The following SFI1 variants were observed in gnomAD, a reference collection of about 807,000 sequenced individuals.
The protein encoded by SFI1 is SFI1 centrin binding protein, also known as protein SFI1 homolog.
In SFI1, 195 loss-of-function variants were observed where a neutral mutation model predicts 207.5. That is an observed-to-expected ratio of 0.94 (90% CI 0.84 to 1.06). The LOEUF (loss-of-function observed/expected upper bound fraction) is 1.06. Among genes scored for constraint, SFI1 ranks in the 50% least tolerant of loss-of-function variants. The pLI is 0.00. For synonymous variants in SFI1, 630 were observed against 598.9 expected, an observed-to-expected ratio of 1.05 and a Z score of -0.76; for missense variants, 1,634 against 1,588.0, an observed-to-expected ratio of 1.03 and a Z score of -0.49.
intron 8 of SFI1, among the ~76,000 whole-genome samples, chr22:31,563,753 T>G (rs2061971919): frequency 1.3e-5 from 2 of 151,360 alleles, no homozygotes; most frequent in African/African-American, 4.9e-5. Context: ...GCCTGTCTAA[T>G]TTTGTATTTT....
At chr22:31,591,083 T>C (rs970680609) in intron 15 of SFI1, among the ~76,000 whole-genome samples, 40 of 151,560 alleles carry the variant, frequency 2.6e-4, no homozygotes, top group Non-Finnish European at 5.3e-4. Flanking sequence ...TGAACAAAGG[T>C]CTCTGGTTTT....
At chr22:31,569,035 C>G (rs896618017) in intron 8 of SFI1, among the ~76,000 whole-genome samples, 1 of 152,030 alleles carries the variant, frequency 6.6e-6, no homozygotes. Context: ...AAATTAAAGG[C>G]AAAAAATTAA....
intron 2 of SFI1, among the ~76,000 whole-genome samples, chr22:31,522,419 A>G (rs2057387842): frequency 6.6e-6 from 1 of 152,178 alleles, no homozygotes; most frequent in South Asian, 2.1e-4. Context: ...ATGTGTAACC[A>G]TCACCACTAT....
intron 5 of SFI1, among the ~76,000 whole-genome samples, chr22:31,549,554 G>A (rs1160601394): frequency 2.6e-5 from 4 of 151,558 alleles, no homozygotes; most frequent in Admixed American, 1.3e-4. Context: ...TAGTAAAGAC[G>A]GGGTTTCACC....
chr22:31,605,487 C>T (rs2068814346), intron 20 of SFI1: 1 of 152,920 alleles, frequency 6.5e-6, no homozygotes, highest in Non-Finnish European at 1.5e-5. Flanking sequence ...CACATGCCCC[C>T]TTTCATTTCC....
intron 5 of SFI1, among the ~76,000 whole-genome samples, chr22:31,549,281 C>A (rs548093240): frequency 9.2e-6 from 1 of 108,134 alleles, no homozygotes; most frequent in Non-Finnish European, 1.7e-5. Context: ...CAGAGTGAGA[C>A]CCTGTGTAAA....
At chr22:31,587,229 T>C (rs1209611831) in intron 14 of SFI1, 1 of 212,528 alleles carries the variant, frequency 4.7e-6, no homozygotes, top group Non-Finnish European at 1.1e-5. Context: ...GCATTGACAT[T>C]GTATTGGGTA....
chr22:31,617,023 C>A lies in SFI1; in HGVS notation c.3457C>A (p.Leu1153Ile). ...TAGSLDLEAELEEIQQQLLHY... is the reference protein window; with the variant it reads ...TAGSLDLEAEIEEIQQQLLHY... ...AGGCAGCCTGGACCTTGAGGCTGAA[C>A]TTGAGGAGATCCAGCAGCAACTACT... is the stretch of plus-strand genomic sequence containing the variant. The change falls in exon 31 of 33, where the codon CTT becomes ATT. Residue 1153 changes from leucine (L) to isoleucine (I), a missense_variant. Coordinates refer to ENST00000400288, the MANE Select transcript of SFI1 (RefSeq NM_001007467.3). 6.2e-7 allele frequency: 1 copy of A among 1,614,074 alleles called. No individual in the cohort carries two copies. The highest frequency in any genetic ancestry group is 8.5e-7 in the Non-Finnish European group (1 of 1,180,016).
chr22:31,507,112 G>A (rs530569837), intron 1 of SFI1, among the ~76,000 whole-genome samples: 31 of 152,168 alleles, frequency 2.0e-4, no homozygotes, highest in East Asian at 1.2e-3. Context: ...ACTATACTGC[G>A]AGGTTACAGT....
intron 2 of SFI1, among the ~76,000 whole-genome samples, chr22:31,509,163 A>G (rs1320478251): frequency 6.6e-6 from 1 of 152,170 alleles, no homozygotes; most frequent in Non-Finnish European, 1.5e-5. Flanking sequence ...TATGGCATAT[A>G]GTTGTGTTAG....
At chr22:31,616,951 G>GT in intron 30 of SFI1, 49 bp from the exon 31 acceptor site, 2 of 1,613,418 alleles carry the variant, frequency 1.2e-6, no homozygotes, top group Non-Finnish European at 1.7e-6. Flanking sequence ...ATTTACCCTG[G>GT]TCCCCGAGGG....
intron 4 of SFI1, among the ~76,000 whole-genome samples, chr22:31,546,110 G>T (rs2060062213): frequency 6.6e-6 from 1 of 151,302 alleles, no homozygotes; most frequent in South Asian, 2.1e-4. Context: ...ACCCAACCTG[G>T]TCCTGAACTC....
intron 15 of SFI1, among the ~76,000 whole-genome samples, chr22:31,596,261 ATATC>A (rs1174248874): frequency 6.6e-6 from 1 of 151,922 alleles, no homozygotes; most frequent in African/African-American, 2.4e-5. Context: ...CTCAAAATAA[ATATC>A]TCTCTCTCTC....
At chr22:31,553,867 T>TTTTTTTTTTTTTTTTTC (rs1293077499) in intron 6 of SFI1, among the ~76,000 whole-genome samples, 1 of 116,144 alleles carries the variant, frequency 8.6e-6, no homozygotes, top group Non-Finnish European at 1.7e-5. Context: ...TTTTTTTTTT[T>TTTTTTTTTTTTTTTTTC]TGCGAGAGTC....
At chr22:31,544,797 C>T (rs753433199) in intron 4 of SFI1, among the ~76,000 whole-genome samples, 2 of 152,060 alleles carry the variant, frequency 1.3e-5, no homozygotes, top group South Asian at 2.1e-4. Flanking sequence ...CATCTTTAAT[C>T]GGTAAAATCA....
chr22:31,546,842 G>A lies in SFI1; in HGVS notation c.339-19G>A. ...CTCCAACATCATCATATATATATAT[G>A]ATTTTTTTTTTGCCGTAGATTTTAC... On this transcript the variant is annotated intron_variant, in intron 4 of 32. Transcript: ENST00000400288. The A allele has an allele frequency of 1.4e-6, 2 of 1,404,438 alleles. No individual in the cohort carries two copies. The highest frequency in any genetic ancestry group is 2.0e-6 in the Non-Finnish European group (2 of 1,008,304). The allele number at this position is 1,404,438 out of a possible 1,614,324, so 87.0% of individuals were successfully genotyped here.
At chr22:31,613,092 G>A (rs528555635) in intron 24 of SFI1, 50 bp from the exon 25 acceptor site, 52 of 1,590,584 alleles carry the variant, frequency 3.3e-5, no homozygotes, top group Non-Finnish European at 3.5e-5. Flanking sequence ...TGATCACCAC[G>A]GCCTCCTTGA....
intron 4 of SFI1, among the ~76,000 whole-genome samples, chr22:31,542,170 C>G (rs1040634386): frequency 6.6e-6 from 1 of 151,182 alleles, no homozygotes; most frequent in Non-Finnish European, 1.5e-5. Context: ...CCCCACCCCC[C>G]GAGAGAGAAC....
chr22:31,589,555 G>T lies in SFI1; in HGVS notation c.1522G>T (p.Ala508Ser). The T allele has an allele frequency of 6.2e-7, 1 of 1,613,590 alleles. No individual in the cohort carries two copies. The highest frequency in any genetic ancestry group is 8.5e-7 in the Non-Finnish European group (1 of 1,179,918). ...GCGCCACCAGGAAAATGTCCTCAGT[G>T]CAAGAGCAACACGTTTCCACAGGTA... ...RWRHQENVLS[A>S]RATRFHRETL... The change falls in exon 15 of 33, where the codon GCA (alanine) becomes TCA (serine). Residue 508 changes from alanine (A) to serine (S), a missense_variant. Physicochemically the swap from Ala to Ser is moderately conservative, Grantham distance 99 (BLOSUM62 1). Transcript: ENST00000400288.
Sources: gnomAD v4.1 joint callset for allele counts (sites outside exome capture counted in the v4.1 genomes callset) on GRCh38, gnomAD v4.1.1 for gene constraint, MANE v1.5 for transcripts, NCBI Gene and HGNC (gene_info 2026-07-23, HGNC 2026-07-21) for gene names.